PDE10A: variants seen among roughly 807,000 people sequenced by gnomAD.
The protein encoded by PDE10A is phosphodiesterase 10A, also known as cAMP and cAMP-inhibited cGMP 3',5'-cyclic phosphodiesterase 10A.
A neutral mutation model predicts 97.7 loss-of-function variants in PDE10A; 39 were observed. The ratio of observed to expected loss-of-function variants is 0.40; its 90% confidence interval spans 0.31 to 0.52. The LOEUF (loss-of-function observed/expected upper bound fraction) is 0.52, where lower values mean the gene tolerates loss of function less well. Among genes scored for constraint, PDE10A ranks in the 20% least tolerant of loss-of-function variants. The pLI is 0.56. For missense variants in PDE10A, 731 were observed against 1,047.8 expected (o/e 0.70, Z 4.17); for synonymous variants, 371 against 376.8 (o/e 0.98, Z 0.18).
chr6:165,531,451 T>G (rs541939615), intron 2 of PDE10A, among the ~76,000 whole-genome samples: 1 of 152,088 alleles, frequency 6.6e-6, no homozygotes, highest in African/African-American at 2.4e-5. Flanking sequence ...AAATGACTAA[T>G]GATAATTTAT....
chr6:165,611,460 G>A (rs189332956), intron 1 of PDE10A, among the ~76,000 whole-genome samples: 27 of 152,330 alleles, frequency 1.8e-4, no homozygotes, highest in Admixed American at 1.6e-3. Context: ...CTCAATGAGT[G>A]GATACAAGCA....
chr6:165,582,978 T>C lies in PDE10A; in HGVS notation c.866-39410A>G, dbSNP rs967239603. The stretch of plus-strand genomic sequence containing the variant: ...CCTTTATAAATACAAACAAAACACA[T>C]CCATATGTGTCAACCACCAAGTACC... On this transcript the variant is annotated intron_variant, in intron 1 of 21. Coordinates refer to ENST00000539869, the MANE Select transcript of PDE10A (RefSeq NM_001385079.1). Among the ~76,000 whole-genome samples, 6 of 152,232 alleles carry C rather than the reference T, an allele frequency of 3.9e-5. No individual in the cohort carries two copies. In the South Asian group the frequency reaches 1.2e-3, roughly 32 times the overall value.
chr6:165,839,082 A>C (rs1267501248), intron 1 of PDE10A, among the ~76,000 whole-genome samples: 2 of 152,258 alleles, frequency 1.3e-5, no homozygotes, highest in Non-Finnish European at 2.9e-5. Context: ...AATGAAAGGA[A>C]TATTTCTAAA....
In PDE10A at chr6:165,585,304, G is replaced by T. The variant is rs370031884; in HGVS notation, c.866-41736C>A. On this transcript the variant is annotated intron_variant, in intron 1 of 21. Coordinates refer to ENST00000539869, the MANE Select transcript of PDE10A (RefSeq NM_001385079.1). ...TATATGAGTGCCAAGTTTACAGGGG[G>T]TGATGGCCAGTTTTATGTGGGAACT... 2.4e-4 allele frequency among the ~76,000 whole-genome samples: 36 copies of T among 152,306 alleles called. No homozygotes were observed. In the East Asian group the frequency reaches 5.4e-3, roughly 23 times the overall value.
intron 13 of PDE10A, 63 bp from the exon 14 acceptor site, chr6:165,396,522 CG>C (rs1242223513): frequency 9.4e-6 from 14 of 1,492,702 alleles, no homozygotes; most frequent in South Asian, 2.5e-5. Context: ...TGTTTTGTCA[CG>C]GAAGTTCAGA....
chr6:165,666,868 A>C (rs1790511128), upstream of PDE10A, among the ~76,000 whole-genome samples: 1 of 152,254 alleles, frequency 6.6e-6, no homozygotes, highest in South Asian at 2.1e-4. Context: ...ACAGCTTGAC[A>C]TCAGGGAGAC....
intron 1 of PDE10A, among the ~76,000 whole-genome samples, chr6:165,567,414 A>G (rs1322291015): frequency 6.6e-6 from 1 of 152,208 alleles, no homozygotes. Flanking sequence ...TCTATGCCTG[A>G]TTTTTAAAAA....
chr6:165,967,148 C>T (rs995496316), intron 1 of PDE10A, among the ~76,000 whole-genome samples: 1 of 152,188 alleles, frequency 6.6e-6, no homozygotes, highest in Non-Finnish European at 1.5e-5. Flanking sequence ...CACCCCAATG[C>T]CTGTGTCAGA....
intron 3 of PDE10A, among the ~76,000 whole-genome samples, chr6:165,458,660 C>G (rs1778104785): frequency 6.6e-6 from 1 of 151,648 alleles, no homozygotes; most frequent in Non-Finnish European, 1.5e-5. Flanking sequence ...CACACATGGA[C>G]AGGCGCACGC....
Position 165,379,344 on chromosome 6 carries a change from G to C in PDE10A, c.2633C>G (p.Ser878Cys), listed in dbSNP as rs762940171. Reference protein sequence around the residue: ...ILQLEGHNIFSTLSSSEYEQV... With the variant: ...ILQLEGHNIFCTLSSSEYEQV... ...CTCATATTCACTGGAGCTCAGAGTG[G>C]AGAAGATATTGTGCCCTTCCAACTA... is the stretch of plus-strand genomic sequence containing the variant. Residue 878 changes from serine (S) to cysteine (C), a missense_variant, in exon 18 of 22, where the codon TCC becomes TGC. By Grantham distance (112) the Ser-to-Cys change is moderately radical. Around this residue, in one of 8 missense-constraint regions of PDE10A, gnomAD observed 25 missense variants for 83.7 expected, o/e 0.30. Coordinates refer to ENST00000539869, the MANE Select transcript of PDE10A (RefSeq NM_001385079.1). The C allele has an allele frequency of 6.2e-7, 1 of 1,612,934 alleles. No individual in the cohort carries two copies. Among genetic ancestry groups the C allele is most frequent in the Non-Finnish European group, 8.5e-7 (1 of 1,179,634 alleles).
intron 1 of PDE10A, among the ~76,000 whole-genome samples, chr6:165,717,674 G>A (rs1350393444): frequency 6.6e-6 from 1 of 152,086 alleles, no homozygotes; most frequent in Non-Finnish European, 1.5e-5. Context: ...GGATTATTCC[G>A]TAATTCTATG....
intron 1 of PDE10A, among the ~76,000 whole-genome samples, chr6:165,968,210 G>A (rs984590958): frequency 4.6e-5 from 7 of 152,214 alleles, no homozygotes; most frequent in Non-Finnish European, 8.8e-5. Context: ...TCATCAAGAG[G>A]CATGATATTA....
At chr6:165,486,206 G>A (rs1281573467) in intron 2 of PDE10A, among the ~76,000 whole-genome samples, 6 of 152,266 alleles carry the variant, frequency 3.9e-5, no homozygotes, top group Admixed American at 2.6e-4. Flanking sequence ...TATATTTTTC[G>A]GGGGGATGTG....
At chr6:165,752,404 A>G (rs1793026523) in intron 1 of PDE10A, among the ~76,000 whole-genome samples, 1 of 152,166 alleles carries the variant, frequency 6.6e-6, no homozygotes, top group African/African-American at 2.4e-5. Context: ...TCCCGGGACC[A>G]TGTGTCCAGC....
At chr6:165,465,696 G>T (rs2128264257) in intron 3 of PDE10A, among the ~76,000 whole-genome samples, 1 of 152,244 alleles carries the variant, frequency 6.6e-6, no homozygotes, top group East Asian at 1.9e-4. Flanking sequence ...AAAGGGGGAA[G>T]CCCCTTATAA....
intron 1 of PDE10A, among the ~76,000 whole-genome samples, chr6:165,969,513 A>G (rs1016944300): frequency 1.3e-5 from 2 of 152,168 alleles, no homozygotes; most frequent in Non-Finnish European, 2.9e-5. Context: ...ACTGGGTGAA[A>G]TGAAGGTGTT....
chr6:165,428,489 C>G (rs979965456), intron 10 of PDE10A, among the ~76,000 whole-genome samples, 169 bp downstream of exon 10: 5 of 151,966 alleles, frequency 3.3e-5, no homozygotes. Flanking sequence ...CAAACTTACT[C>G]CCCCAAAATT....
At chr6:165,666,382 C>T (rs181280243), upstream of PDE10A, among the ~76,000 whole-genome samples, 115 of 152,244 alleles carry the variant, frequency 7.6e-4, no homozygotes, top group African/African-American at 2.7e-3. Context: ...GTTCCCTTTA[C>T]CGTGATTTTA....
chr6:165,763,978 T>C, intron 1 of PDE10A, among the ~76,000 whole-genome samples: 1 of 152,196 alleles, frequency 6.6e-6, no homozygotes, highest in Non-Finnish European at 1.5e-5. Flanking sequence ...ACTTTACACA[T>C]GAAGAAACGG....
Sources: gnomAD v4.1 joint callset for allele counts (sites outside exome capture counted in the v4.1 genomes callset) on GRCh38, gnomAD v4.1.1 for gene constraint, gnomAD v4.1.1 regional missense constraint, MANE v1.5 for transcripts, NCBI Gene and HGNC (gene_info 2026-07-23, HGNC 2026-07-21) for gene names.